Variants in CNKSR2 observed in about 807,000 individuals in gnomAD.
CNKSR2 encodes CNK homolog protein 2.
A neutral mutation model predicts 84.4 loss-of-function variants in CNKSR2; 14 were observed. The ratio of observed to expected loss-of-function variants is 0.17; its 90% CI spans 0.11 to 0.26. The LOEUF (loss-of-function observed/expected upper bound fraction) is 0.26. CNKSR2 is among the 10% of genes least tolerant of loss of function. CNKSR2 has a pLI of 1.00. For synonymous variants in CNKSR2, 275 were observed against 277.9 expected, an observed-to-expected ratio of 0.99 and a Z score of 0.10; for missense variants, 485 against 771.2, an observed-to-expected ratio of 0.63 and a Z score of 4.40.
intron 4 of CNKSR2, among the ~76,000 whole-genome samples, chrX:21,444,532 T>C (rs1044448011): frequency 3.6e-5 from 4 of 111,060 alleles, no homozygotes; most frequent in Non-Finnish European, 7.6e-5. Flanking sequence ...TACCATTTTT[T>C]AGATTATTGT....
chrX:21,436,336 T>C (rs2090704785), intron 3 of CNKSR2, among the ~76,000 whole-genome samples: 1 of 111,861 alleles, frequency 8.9e-6, no homozygotes, highest in African/African-American at 3.2e-5. Context: ...GTTTCTAATT[T>C]GTTTAGGATT....
intron 13 of CNKSR2, among the ~76,000 whole-genome samples, chrX:21,580,572 T>G (rs1009544364): frequency 2.7e-5 from 3 of 111,867 alleles, no homozygotes; most frequent in Admixed American, 9.5e-5. Context: ...GATTTCAGAT[T>G]CTTTTACAAA....
chrX:21,455,007 G>T (rs1299499193), intron 4 of CNKSR2, among the ~76,000 whole-genome samples: 2 of 111,416 alleles, frequency 1.8e-5, no homozygotes, highest in Non-Finnish European at 3.8e-5. Flanking sequence ...TTTATCTATG[G>T]CTATAGAGCA....
intron 8 of CNKSR2, chrX:21,503,402 G>A (rs1326448044): frequency 3.5e-6 from 1 of 287,982 alleles, no homozygotes; most frequent in African/African-American, 2.8e-5. Context: ...CACTTATTGT[G>A]TTCTTACAGT....
At chrX:21,622,593 G>GA (rs1362209603) in intron 20 of CNKSR2, among the ~76,000 whole-genome samples, 1 of 111,555 alleles carries the variant, frequency 9.0e-6, no homozygotes, top group Non-Finnish European at 1.9e-5. Context: ...ACCACTAGAA[G>GA]AAAAAACAAA....
chrX:21,385,060 TAGGTACACA>T (rs999920397), intron 1 of CNKSR2, among the ~76,000 whole-genome samples: 1 of 111,773 alleles, frequency 8.9e-6, no homozygotes, highest in African/African-American at 3.2e-5. Flanking sequence ...ACAATTCAGA[TAGGTACACA>T]ATGGTTTTCA....
intron 13 of CNKSR2, among the ~76,000 whole-genome samples, chrX:21,583,673 G>A (rs969762959): frequency 1.8e-5 from 2 of 111,954 alleles, no homozygotes; most frequent in Admixed American, 1.9e-4. Context: ...TTCCTTAAGT[G>A]TGTCAATTTG....
chrX:21,594,826 A>G (rs2092442421), intron 15 of CNKSR2, 148 bp from the exon 16 acceptor site: 3 of 398,432 alleles, frequency 7.5e-6, no homozygotes, highest in Non-Finnish European at 1.3e-5. Context: ...TACAGCAGGT[A>G]AGCATTGAAT....
rs770084913 is a variant in CNKSR2 at position 21,609,559 on chromosome X, A to AGAGGAG, written c.2652_2657dup (p.Glu885_Glu886dup). 3 of 1,204,126 alleles carry AGAGGAG rather than the reference A, an allele frequency of 2.5e-6. No individual in the cohort carries two copies. The highest frequency in any genetic ancestry group is 3.4e-6 in the Non-Finnish European group (3 of 892,089). ...ACGTGCAACCCCCAGAGGTGGAGGA[A>AGAGGAG]GAGGAGGAGGAGGAGGAGGAGGAAG... On this transcript the variant is annotated inframe_insertion, in exon 20 of 22. Transcript: ENST00000379510.
At chrX:21,404,789 CAAAAAAAAAAAA>C (rs59192713) in intron 1 of CNKSR2, among the ~76,000 whole-genome samples, 1 of 30,084 alleles carries the variant, frequency 3.3e-5, no homozygotes, top group Non-Finnish European at 6.1e-5. Context: ...AACTCTGTCT[CAAAAAAAAAAAA>C]AAAAAAAAAA....
intron 14 of CNKSR2, 169 bp downstream of exon 14, chrX:21,590,789 A>G (rs193261661): frequency 4.1e-6 from 2 of 485,460 alleles, no homozygotes; most frequent in Non-Finnish European, 6.7e-6. Flanking sequence ...AATACAAGGT[A>G]CCTTTTACAA....
intron 5 of CNKSR2, among the ~76,000 whole-genome samples, chrX:21,489,487 G>T (rs1417461465): frequency 9.0e-6 from 1 of 111,258 alleles, no homozygotes; most frequent in Non-Finnish European, 1.9e-5. Flanking sequence ...TCAGGCTTCA[G>T]TAAATACAAT....
chrX:21,567,141 C>T (rs2092245884), intron 13 of CNKSR2, among the ~76,000 whole-genome samples: 1 of 111,557 alleles, frequency 9.0e-6, no homozygotes, highest in Non-Finnish European at 1.9e-5. Context: ...TCCCTGACCA[C>T]TACCCTCTGA....
chrX:21,634,906 A>G (rs1015532688), intron 20 of CNKSR2, among the ~76,000 whole-genome samples: 6 of 107,510 alleles, frequency 5.6e-5, no homozygotes, highest in Non-Finnish European at 1.2e-4. Context: ...TAGTGTGTGT[A>G]TATATATACA....
In CNKSR2 at chrX:21,374,684, G is replaced by A; in HGVS notation, c.-214G>A. Reference sequence around the variant, plus strand: ...CTGAGCAGACCCGGCGCGGAGCCACGACTCCTGCACGTTTACCTCCCTGTC... The same window carrying A: ...CTGAGCAGACCCGGCGCGGAGCCACAACTCCTGCACGTTTACCTCCCTGTC... On this transcript the variant is annotated 5_prime_UTR_variant, in exon 1 of 22. Coordinates refer to ENST00000379510, the MANE Select transcript of CNKSR2 (RefSeq NM_014927.5). 1 of 509,748 alleles carries A rather than the reference G, an allele frequency of 2.0e-6. No individual in the cohort carries two copies. The highest frequency in any genetic ancestry group is 2.6e-5 in the South Asian group (1 of 38,569). 42.0% of individuals were successfully genotyped at this position (509,748 alleles called of 1,213,427 possible).
intron 4 of CNKSR2, among the ~76,000 whole-genome samples, chrX:21,467,809 G>A (rs1442326083): frequency 9.1e-6 from 1 of 110,333 alleles, no homozygotes; most frequent in African/African-American, 3.3e-5. Context: ...ATAGTTGAGT[G>A]TGCACCAATA....
intron 4 of CNKSR2, among the ~76,000 whole-genome samples, chrX:21,455,185 C>G (rs1000231477): frequency 1.8e-5 from 2 of 111,654 alleles, no homozygotes; most frequent in Non-Finnish European, 3.8e-5. Context: ...TCTTACATAT[C>G]TTCTAGAGCC....
intron 17 of CNKSR2, among the ~76,000 whole-genome samples, chrX:21,595,659 T>A (rs1024554707): frequency 8.9e-6 from 1 of 112,104 alleles, no homozygotes; most frequent in African/African-American, 3.2e-5. Context: ...GGGGATTTTT[T>A]AAGTTCATTT....
chrX:21,547,435 C>T (rs2092037982), intron 11 of CNKSR2, among the ~76,000 whole-genome samples: 1 of 111,429 alleles, frequency 9.0e-6, no homozygotes, highest in East Asian at 2.8e-4. Context: ...AAAGCAAGTC[C>T]TGAGTGACCT....
Sources: allele counts gnomAD v4.1 joint callset (sites outside exome capture counted in the v4.1 genomes callset), GRCh38; gene constraint gnomAD v4.1.1; transcripts MANE v1.5; gene names NCBI Gene and HGNC (gene_info 2026-07-23, HGNC 2026-07-21).